The following ATP2A1 variants were observed in gnomAD, a reference collection of about 807,000 sequenced individuals.
ATP2A1 encodes the protein ATPase sarcoplasmic/endoplasmic reticulum Ca2+ transporting 1, also known as sarcoplasmic/endoplasmic reticulum calcium ATPase 1.
In ATP2A1, 83 loss-of-function variants were observed where a neutral mutation model predicts 109.5. That is an observed-to-expected ratio of 0.76 (90% CI 0.63 to 0.91). The LOEUF is 0.91. ATP2A1 is among the 40% of genes least tolerant of loss of function. ATP2A1 has a pLI of 0.00. For synonymous variants in ATP2A1, 505 were observed against 537.6 expected, an observed-to-expected ratio of 0.94 and a Z score of 0.84; for missense variants, 1,101 against 1,341.0, an observed-to-expected ratio of 0.82 and a Z score of 2.80.
intron 14 of ATP2A1, among the ~76,000 whole-genome samples, chr16:28,899,797 C>T (rs1964019355): frequency 1.2e-5 from 1 of 80,322 alleles, no homozygotes; most frequent in Non-Finnish European, 2.5e-5. Flanking sequence ...CAAGTCTCTA[C>T]TAAAATAAAA....
At chr16:28,900,517 G>C (rs1596684676) in intron 14 of ATP2A1, 64 bp from the exon 15 acceptor site, 5 of 1,068,550 alleles carry the variant, frequency 4.7e-6, no homozygotes, top group East Asian at 4.2e-5. Context: ...CCCCCCACCA[G>C]CTTCCTCCAG....
At chr16:28,899,645 CCG>C (rs1268309378) in intron 14 of ATP2A1, among the ~76,000 whole-genome samples, 545 of 7,922 alleles carry the variant, frequency 0.069, 131 homozygotes, top group African/African-American at 0.25. Flanking sequence ...TCCCCTGCGC[CCG>C]CCCCCCCCCC....
intron 3 of ATP2A1, 62 bp downstream of exon 3, chr16:28,879,645 G>A: frequency 2.6e-6 from 4 of 1,533,246 alleles, no homozygotes; most frequent in East Asian, 2.3e-5. Context: ...GGGCGAATGC[G>A]GGGCTCGCAG....
At chr16:28,882,828 ATCC>A (rs954532074) in intron 5 of ATP2A1, among the ~76,000 whole-genome samples, 2 of 152,004 alleles carry the variant, frequency 1.3e-5, no homozygotes, top group Non-Finnish European at 2.9e-5. Context: ...CCTGCTCCCC[ATCC>A]TCTCACCCTG....
Position 28,883,481 on chromosome 16 carries a change from T to C in ATP2A1, c.463+892T>C, listed in dbSNP as rs1414774956. 6.6e-6 allele frequency among the ~76,000 whole-genome samples: 1 copy of C among 152,090 alleles called. No homozygotes were observed. Among genetic ancestry groups the C allele is most frequent in the Non-Finnish European group, 1.5e-5 (1 of 67,998 alleles). On this transcript the variant is annotated intron_variant, in intron 5 of 22. Transcript: ENST00000395503. This position sits in a 1 kb window ranked among gnomAD's most constrained non-coding sequence, Gnocchi z 5.2. Reference sequence around the variant, plus strand: ...ACTCTATCCCGACCTCCCTCCTCCCTCCTCGGTCCATTTCCTCTGGCACAG... The same window carrying C: ...ACTCTATCCCGACCTCCCTCCTCCCCCCTCGGTCCATTTCCTCTGGCACAG...
chr16:28,881,824 T>A (rs1336342686), intron 4 of ATP2A1, among the ~76,000 whole-genome samples: 2 of 146,594 alleles, frequency 1.4e-5, no homozygotes, highest in Non-Finnish European at 3.0e-5. Context: ...AAGAGAGAAA[T>A]AGCACTTTCT....
chr16:28,889,030 T>G, intron 9 of ATP2A1, 77 bp downstream of exon 9: 1 of 1,570,514 alleles, frequency 6.4e-7, no homozygotes, highest in South Asian at 1.1e-5. Flanking sequence ...AAGATAGAGG[T>G]CTCCCTTCAT....
chr16:28,902,263 G>C lies in ATP2A1; in HGVS notation c.2401G>C (p.Gly801Arg). 1 of 1,614,088 alleles carries C rather than the reference G, an allele frequency of 6.2e-7. No individual in the cohort carries two copies. The highest frequency in any genetic ancestry group is 8.5e-7 in the Non-Finnish European group (1 of 1,180,008). ...QLLWVNLVTD[G>R]LPATALGFNP... is the part of the protein sequence containing the mutation. The stretch of plus-strand genomic sequence containing the variant: ...GCTATGGGTGAACTTGGTGACCGAC[G>C]GGCTCCCAGCCACAGCCCTGGGCTT... Residue 801 changes from glycine to arginine, a missense_variant, in exon 17 of 23, where the codon GGG (glycine) becomes CGG (arginine). Gly to Arg is a moderately radical substitution (Grantham distance 125). Transcript: ENST00000395503. This position sits in a 1 kb window ranked among gnomAD's most constrained non-coding sequence, Gnocchi z 4.8.
chr16:28,889,059 T>G, intron 9 of ATP2A1, 106 bp downstream of exon 9: 1 of 1,495,286 alleles, frequency 6.7e-7, no homozygotes, highest in South Asian at 1.1e-5. Flanking sequence ...GCTTCTCATC[T>G]GGGCCTGCAA....
chr16:28,900,546 C>T (rs1392969601), intron 14 of ATP2A1, 35 bp from the exon 15 acceptor site: 2 of 1,531,942 alleles, frequency 1.3e-6, no homozygotes, highest in Non-Finnish European at 1.8e-6. Context: ...TCCAGATCCC[C>T]ACCTGACCTG....
In ATP2A1 at chr16:28,891,589, C is replaced by CAA. The variant is rs58605175; in HGVS notation, c.1096-2549_1096-2548dup. 1.4e-4 allele frequency among the ~76,000 whole-genome samples: 10 copies of CAA among 72,666 alleles called. 1 individual carries two copies. The highest frequency in any genetic ancestry group is 4.0e-4 in the African/African-American group (6 of 15,150). The allele number at this position is 72,666 out of a possible 152,430, so 47.7% of individuals were successfully genotyped here. A position where few individuals can be genotyped will look rare whatever the true frequency, so the allele number is the denominator to read the frequency against. ...TGGGCGACAGAGCGAGACTCCGTCT[C>CAA]AAAAAAAAAAAAAAAAAAGTAGCCA... On this transcript the variant is annotated intron_variant, in intron 9 of 22. Transcript: ENST00000395503.
chr16:28,879,236 C>T lies in ATP2A1; in HGVS notation c.136+120C>T, dbSNP rs527903883. 7 of 1,299,746 alleles carry T rather than the reference C, an allele frequency of 5.4e-6. No homozygotes were observed. In the South Asian group the frequency reaches 8.3e-5, roughly 15 times the overall value. The allele number at this position is 1,299,746 out of a possible 1,614,324, so 80.5% of individuals were successfully genotyped here. On this transcript the variant is annotated intron_variant, in intron 2 of 22. Transcript: ENST00000395503. The stretch of plus-strand genomic sequence containing the variant: ...AAATATCCCTTCCCAAAAGGCAAAT[C>T]TCCCTCCCTAAAGGTTAGAGTCCTG...
chr16:28,887,016 C>G (rs1963632355), intron 6 of ATP2A1, among the ~76,000 whole-genome samples, 173 bp from the exon 7 acceptor site: 1 of 147,752 alleles, frequency 6.8e-6, no homozygotes, highest in Non-Finnish European at 1.5e-5. Context: ...AAAAAAGGAG[C>G]AATGGACTTC....
chr16:28,882,988 T>C (rs902589271), intron 5 of ATP2A1, among the ~76,000 whole-genome samples: 1 of 152,170 alleles, frequency 6.6e-6, no homozygotes, highest in Non-Finnish European at 1.5e-5. Context: ...TTGAGGCCTC[T>C]CAAAGGGGAA....
intron 22 of ATP2A1, 68 bp from the exon 23 acceptor site, chr16:28,904,112 A>T (rs2071342): frequency 7.1e-6 from 10 of 1,403,418 alleles, no homozygotes; most frequent in Non-Finnish European, 1.0e-5. Flanking sequence ...CGTGCCTGGG[A>T]GATGCACCTG....
intron 5 of ATP2A1, 91 bp from the exon 6 acceptor site, chr16:28,884,484 G>A: frequency 7.9e-7 from 1 of 1,262,058 alleles, no homozygotes; most frequent in Non-Finnish European, 1.1e-6. Context: ...GGATGGATGA[G>A]GAGAACGAGT....
chr16:28,899,660 C>T (rs967706989), intron 14 of ATP2A1, among the ~76,000 whole-genome samples: 1 of 71,660 alleles, frequency 1.4e-5, no homozygotes, highest in Non-Finnish European at 2.7e-5. Context: ...CCCCCCCCCC[C>T]GAAAAAGACA....
At chr16:28,884,789 A>G in intron 6 of ATP2A1, 134 bp downstream of exon 6, 1 of 874,986 alleles carries the variant, frequency 1.1e-6, no homozygotes, top group Non-Finnish European at 1.7e-6. Flanking sequence ...CTACAAAAAA[A>G]TTTTAAAAAC....
chr16:28,903,677 C>T lies in ATP2A1; in HGVS notation c.2981-23C>T. ...CCACCTCCCTGCCTTGATAACAGTG[C>T]CTCTTGTCCTCTCTGGCCATAGGAT... On this transcript the variant is annotated intron_variant, in intron 21 of 22. Coordinates refer to ENST00000395503, the MANE Select transcript of ATP2A1 (RefSeq NM_004320.6). The surrounding 1 kb of genome is among the most constrained non-coding windows in gnomAD (Gnocchi z 5.6). The T allele has an allele frequency of 1.9e-6, 3 of 1,610,196 alleles. No individual in the cohort carries two copies. The highest frequency in any genetic ancestry group is 2.5e-6 in the Non-Finnish European group (3 of 1,176,588).
Sources: gnomAD v4.1 joint callset for allele counts (sites outside exome capture counted in the v4.1 genomes callset) on GRCh38, gnomAD v4.1.1 for gene constraint, Gnocchi (gnomAD v3.1) non-coding constraint, MANE v1.5 for transcripts, NCBI Gene and HGNC (gene_info 2026-07-23, HGNC 2026-07-21) for gene names.